DDX5: variants seen among roughly 807,000 people sequenced by gnomAD.
The protein encoded by DDX5 is probable ATP-dependent RNA helicase DDX5.
Under a neutral mutation model 68.6 loss-of-function variants are expected in DDX5, and 6 were observed. The ratio of observed to expected loss-of-function variants is 0.09; its 90% CI spans 0.05 to 0.17. The LOEUF (loss-of-function observed/expected upper bound fraction) is 0.17, where lower values mean the gene tolerates loss of function less well. DDX5 is among the 10% of genes least tolerant of loss of function. DDX5 has a pLI of 1.00. For synonymous variants in DDX5, 350 were observed against 247.0 expected (o/e 1.42, Z -3.91); for missense variants, 499 against 756.1 (o/e 0.66, Z 3.99).
At chr17:64,502,581 G>T (rs782157394) in intron 8 of DDX5, 32 bp from the exon 9 acceptor site, 10 of 1,520,004 alleles carry the variant, frequency 6.6e-6, no homozygotes, top group Non-Finnish European at 7.3e-6. Flanking sequence ...GAAAAATCCT[G>T]AGTTTTAAAA....
upstream of DDX5, chr17:64,506,586 C>A (rs569225678): frequency 2.5e-6 from 1 of 406,984 alleles, no homozygotes; most frequent in East Asian, 4.5e-5. Flanking sequence ...CCACCCTCGC[C>A]ACTCGGAGAT....
rs2038324604 is a variant in DDX5, at chr17:64,502,580, TGA to T, written c.984-33_984-32del. ...AATAGGAGAGAGAAAGGAAAAATCC[TGA>T]GTTTTAAAAGACCATTGCTAGGGCC... On this transcript the variant is annotated intron_variant, in intron 8 of 12. Transcript: ENST00000225792. 4 of 1,527,338 alleles carry T rather than the reference TGA, an allele frequency of 2.6e-6. No homozygotes were observed. In the African/African-American group the frequency reaches 5.5e-5, roughly 21 times the overall value. The allele number at this position is 1,527,338 out of a possible 1,614,324, so 94.6% of individuals were successfully genotyped here. A position where few individuals can be genotyped will look rare whatever the true frequency, so the allele number is the denominator to read the frequency against.
rs2038503710 is a variant in DDX5, at chr17:64,506,093, G to A, written c.27C>T (p.Asp9=). 3 of 1,605,496 alleles carry A rather than the reference G, an allele frequency of 1.9e-6. No homozygotes were observed. Among genetic ancestry groups the A allele is most frequent in the East Asian group, 2.3e-5 (1 of 44,356 alleles). Residue 9 remains aspartate (D), a synonymous_variant, in exon 1 of 13, where the codon GAC becomes GAT. Coordinates refer to ENST00000225792, the MANE Select transcript of DDX5 (RefSeq NM_004396.5). Reference sequence around the variant, plus strand: ...AAACTCACCCTCGGTCCCGGCCGCGGTCTCGGTCACTCGAATAACCCGACA... The same window carrying A: ...AAACTCACCCTCGGTCCCGGCCGCGATCTCGGTCACTCGAATAACCCGACA... The part of the protein sequence containing the change: MSGYSSDR[D]RGRDRGFGAP...
At chr17:64,502,246 TTA>T in intron 9 of DDX5, 23 bp from the exon 10 acceptor site, 1 of 1,613,232 alleles carries the variant, frequency 6.2e-7, no homozygotes, top group Non-Finnish European at 8.5e-7. Flanking sequence ...ACAAGTTGTG[TTA>T]TTAAACTCAC....
intron 7 of DDX5, 27 bp downstream of exon 7, chr17:64,503,161 T>G: frequency 6.2e-7 from 1 of 1,613,302 alleles, no homozygotes; most frequent in Non-Finnish European, 8.5e-7. Context: ...CAATTCAGTT[T>G]GATCACATAT....
chr17:64,501,095 G>C (rs1223702942), intron 11 of DDX5: 2 of 336,364 alleles, frequency 5.9e-6, no homozygotes, highest in Non-Finnish European at 1.1e-5. Flanking sequence ...TGCGCAGTAG[G>C]GCCACTTAAA....
At chr17:64,501,959 T>C in intron 11 of DDX5, 51 bp downstream of exon 11, 1 of 1,570,304 alleles carries the variant, frequency 6.4e-7, no homozygotes, top group Non-Finnish European at 8.7e-7. Flanking sequence ...TTAAAAAAGT[T>C]AAATGGAGAT....
chr17:64,506,336 A>G, upstream of DDX5: 7 of 1,464,940 alleles, frequency 4.8e-6, no homozygotes, highest in South Asian at 9.5e-5. Context: ...ACCGCCTCCT[A>G]CGCCGCAGGG....
intron 2 of DDX5, 29 bp from the exon 3 acceptor site, chr17:64,504,347 A>T (rs1486308161): frequency 6.3e-7 from 1 of 1,580,784 alleles, no homozygotes; most frequent in African/African-American, 1.3e-5. Context: ...CAGTCTTAAA[A>T]TTCATGACAA....
chr17:64,502,280 T>C, intron 9 of DDX5, 57 bp from the exon 10 acceptor site: 4 of 1,582,244 alleles, frequency 2.5e-6, no homozygotes, highest in Admixed American at 1.7e-5. Flanking sequence ...CAGACTCCAG[T>C]GCTTGACCAC....
chr17:64,502,604 G>A (rs1043447663), intron 8 of DDX5, 55 bp from the exon 9 acceptor site: 1 of 1,277,900 alleles, frequency 7.8e-7, no homozygotes, highest in Admixed American at 1.8e-5. Flanking sequence ...CCATTGCTAG[G>A]GCCACACATT....
At chr17:64,506,818 C>T, upstream of DDX5, 1 of 581,668 alleles carries the variant, frequency 1.7e-6, no homozygotes, top group East Asian at 2.9e-5. Flanking sequence ...ACCGTCCGAC[C>T]CGCGTGTCTG....
At chr17:64,505,673 G>C (rs1023184774) in intron 1 of DDX5, 76 of 1,461,316 alleles carry the variant, frequency 5.2e-5, no homozygotes, top group Non-Finnish European at 6.5e-5. Flanking sequence ...AACAGCACCA[G>C]GGCTTTGGAA....
At chr17:64,505,921 G>C in intron 1 of DDX5, 155 bp downstream of exon 1, 1 of 1,534,264 alleles carries the variant, frequency 6.5e-7, no homozygotes, top group Non-Finnish European at 8.7e-7. Context: ...TCACTGTGAC[G>C]TGAATATCAA....
chr17:64,501,059 A>G (rs535594202), intron 11 of DDX5: 26 of 470,578 alleles, frequency 5.5e-5, no homozygotes, highest in Non-Finnish European at 9.2e-5. Flanking sequence ...TCCCTTACAG[A>G]TCATCAAGTG....
chr17:64,506,515 T>A (rs2038534411), upstream of DDX5: 2 of 743,806 alleles, frequency 2.7e-6, no homozygotes, highest in Admixed American at 3.5e-5. Flanking sequence ...TGACCTCACC[T>A]TCTTCTGGTC....
chr17:64,501,691 T>C (rs2038300732), intron 11 of DDX5: 5 of 397,512 alleles, frequency 1.3e-5, no homozygotes, highest in African/African-American at 2.0e-5. Context: ...GGCAGTGAAC[T>C]GTGAGGATAA....
At chr17:64,505,027 C>A (rs1416593721) in intron 1 of DDX5, 185 bp from the exon 2 acceptor site, 1 of 538,384 alleles carries the variant, frequency 1.9e-6, no homozygotes, top group South Asian at 3.0e-5. Context: ...CCCGTAGTCC[C>A]AAGTACACAT....
chr17:64,500,136 G>A lies in DDX5; in HGVS notation c.1632C>T (p.Ser544=). 5 of 1,614,178 alleles carry A rather than the reference G, an allele frequency of 3.1e-6. No individual in the cohort carries two copies. The highest frequency in any genetic ancestry group is 4.2e-6 in the Non-Finnish European group (5 of 1,180,020). The change falls in exon 13 of 13, where the codon AGC becomes AGT. Residue 544 remains serine, a synonymous_variant. Coordinates refer to ENST00000225792, the MANE Select transcript of DDX5 (RefSeq NM_004396.5). Reference sequence around the variant, plus strand: ...CAGCAGACACAAAATTACTTCCAAAGCTCCCATTGGTGTAATTTGCAGCAC... The same window carrying A: ...CAGCAGACACAAAATTACTTCCAAAACTCCCATTGGTGTAATTTGCAGCAC... ...VYSAANYTNG[S]FGSNFVSAGI...
Sources: gnomAD v4.1 joint callset for allele counts on GRCh38, gnomAD v4.1.1 for gene constraint, MANE v1.5 for transcripts, NCBI Gene and HGNC (gene_info 2026-07-23, HGNC 2026-07-21) for gene names.